Variants in SCRG1 observed in about 807,000 individuals in gnomAD.
The protein encoded by SCRG1 is scrapie-responsive protein 1.
A neutral mutation model predicts 7.7 loss-of-function variants in SCRG1; 3 were observed. The ratio of observed to expected loss-of-function variants is 0.39; its 90% CI spans 0.18 to 1.01. The LOEUF is 1.01. Among genes scored for constraint, SCRG1 ranks in the 50% least tolerant of loss-of-function variants. The pLI is 0.36. For missense variants in SCRG1, 110 were observed against 117.2 expected (o/e 0.94, Z 0.28); for synonymous variants, 46 against 41.2 (o/e 1.12, Z -0.44).
At chr4:173,504,318 C>T in the SCRG1 span, among the ~76,000 whole-genome samples, 24 of 152,292 alleles carry the variant, frequency 1.6e-4, no homozygotes, top group East Asian at 1.2e-3. The surrounding 1 kb of genome is among the most constrained non-coding windows in gnomAD (Gnocchi z 4.7). Flanking sequence ...CGTGCTCCTC[C>T]GGTAGCCGTA....
the SCRG1 span, among the ~76,000 whole-genome samples, chr4:173,459,148 G>T: frequency 6.6e-6 from 1 of 152,178 alleles, no homozygotes; most frequent in Non-Finnish European, 1.5e-5. Context: ...GGGAGATATA[G>T]ACTCCAATAC....
At chr4:173,472,197 A>G in the SCRG1 span, among the ~76,000 whole-genome samples, 3 of 152,232 alleles carry the variant, frequency 2.0e-5, no homozygotes, top group Non-Finnish European at 4.4e-5. Context: ...AAATATGGCC[A>G]TGGAGTAAAC....
the SCRG1 span, among the ~76,000 whole-genome samples, chr4:173,460,580 C>T: frequency 2.0e-5 from 3 of 152,156 alleles, no homozygotes; most frequent in African/African-American, 2.4e-5. Context: ...AAGGGAACCC[C>T]GTGCCCTGAA....
At chr4:173,461,923 G>C in the SCRG1 span, among the ~76,000 whole-genome samples, 6 of 151,946 alleles carry the variant, frequency 3.9e-5, no homozygotes, top group Non-Finnish European at 8.8e-5. Context: ...AATGCAATTG[G>C]CATACCGAGG....
At chr4:173,392,145 G>A (rs1739467474) in intron 1 of SCRG1, among the ~76,000 whole-genome samples, 1 of 152,056 alleles carries the variant, frequency 6.6e-6, no homozygotes, top group Admixed American at 6.6e-5. Context: ...AAGTACCTGG[G>A]TCCCATCCTG....
chr4:173,499,810 G>A, the SCRG1 span, among the ~76,000 whole-genome samples: 35 of 152,282 alleles, frequency 2.3e-4, no homozygotes, highest in Non-Finnish European at 2.4e-4. This position sits in a 1 kb window ranked among gnomAD's most constrained non-coding sequence, Gnocchi z 4.1. Context: ...AAAAAGTGGG[G>A]GGCAGGGATC....
the SCRG1 span, among the ~76,000 whole-genome samples, chr4:173,502,481 T>C: frequency 1.3e-5 from 2 of 152,206 alleles, no homozygotes; most frequent in Admixed American, 6.5e-5. The surrounding 1 kb of genome is among the most constrained non-coding windows in gnomAD (Gnocchi z 4.6). Flanking sequence ...ATAAAGTTCA[T>C]GTGACGGAGA....
the SCRG1 span, among the ~76,000 whole-genome samples, chr4:173,457,321 G>A: frequency 6.6e-6 from 1 of 152,206 alleles, no homozygotes; most frequent in Non-Finnish European, 1.5e-5. Flanking sequence ...TGTTCTGTTA[G>A]GGTGTTGCTA....
upstream of SCRG1, among the ~76,000 whole-genome samples, chr4:173,401,232 A>G (rs955262746): frequency 3.3e-5 from 5 of 152,218 alleles, no homozygotes; most frequent in African/African-American, 1.2e-4. Flanking sequence ...TGCGCAATGG[A>G]CTGCACATTT....
the SCRG1 span, among the ~76,000 whole-genome samples, chr4:173,482,869 A>T: frequency 7.0e-6 from 1 of 141,924 alleles, no homozygotes; most frequent in African/African-American, 2.6e-5. Context: ...TATTTCATAT[A>T]TATTTTTTAT....
intron 2 of SCRG1, among the ~76,000 whole-genome samples, chr4:173,390,565 C>A (rs1314263779): frequency 6.6e-6 from 1 of 151,170 alleles, no homozygotes; most frequent in South Asian, 2.1e-4. Context: ...CTCAGCCTCT[C>A]AGGTTCAAGC....
the SCRG1 span, among the ~76,000 whole-genome samples, chr4:173,478,521 C>T: frequency 6.6e-6 from 1 of 152,096 alleles, no homozygotes; most frequent in Non-Finnish European, 1.5e-5. Flanking sequence ...TTCTTATTTT[C>T]CTCGCATTTC....
Position 173,387,135 on chromosome 4 carries a change from G to T in SCRG1, c.*1206C>A, listed in dbSNP as rs1053791303. 45 of 152,074 alleles carry T rather than the reference G, an allele frequency of 3.0e-4. No individual in the cohort carries two copies. The highest frequency in any genetic ancestry group is 1.1e-3 in the African/African-American group (44 of 41,406). 9.4% of individuals were successfully genotyped at this position (152,074 alleles called of 1,614,324 possible). A position where few individuals can be genotyped will look rare whatever the true frequency, so the allele number is the denominator to read the frequency against. On this transcript the variant is annotated 3_prime_UTR_variant, in exon 3 of 3. Transcript: ENST00000296506. Reference sequence around the variant, plus strand: ...GTGTGTTTTGTTATTCTTAAAAATGGATACTTTAGGAAATGTATCATGGTT... The same window carrying T: ...GTGTGTTTTGTTATTCTTAAAAATGTATACTTTAGGAAATGTATCATGGTT...
intron 1 of SCRG1, among the ~76,000 whole-genome samples, chr4:173,405,714 T>A (rs887521964): frequency 6.6e-5 from 10 of 152,240 alleles, no homozygotes; most frequent in Admixed American, 1.3e-4. Context: ...TAGGGGCTCC[T>A]TTAGTTGCCT....
the SCRG1 span, among the ~76,000 whole-genome samples, chr4:173,484,449 A>ATATATATATACATATAATATATAT: frequency 0.031 from 380 of 12,098 alleles, 33 homozygotes; most frequent in African/African-American, 0.056. Context: ...ATGATATATA[A>ATATATATATACATATAATATATAT]TATATATTAT....
chr4:173,499,421 A>C, the SCRG1 span, among the ~76,000 whole-genome samples: 1 of 152,234 alleles, frequency 6.6e-6, no homozygotes, highest in South Asian at 2.1e-4. The surrounding 1 kb of genome is among the most constrained non-coding windows in gnomAD (Gnocchi z 4.1). Context: ...TTTAGATAAC[A>C]GTAGTAGTAA....
At chr4:173,396,841 T>C (rs1739620461) in intron 1 of SCRG1, among the ~76,000 whole-genome samples, 1 of 150,846 alleles carries the variant, frequency 6.6e-6, no homozygotes. Context: ...GATCACGAGG[T>C]CAAGAGATTG....
chr4:173,483,276 TAA>T, the SCRG1 span, among the ~76,000 whole-genome samples: 424 of 41,542 alleles, frequency 0.01, 1 homozygote, highest in East Asian at 0.017. Flanking sequence ...ATATGATATA[TAA>T]TATATGATAT....
upstream of SCRG1, among the ~76,000 whole-genome samples, chr4:173,406,644 C>T (rs536590107): frequency 6.6e-6 from 1 of 152,276 alleles, no homozygotes; most frequent in African/African-American, 2.4e-5. Context: ...CTCCCTCCTA[C>T]CCTGAACTCC....
Sources: allele counts gnomAD v4.1 joint callset (sites outside exome capture counted in the v4.1 genomes callset), GRCh38; gene constraint gnomAD v4.1.1; non-coding constraint Gnocchi (gnomAD v3.1); transcripts MANE v1.5; gene names NCBI Gene and HGNC (gene_info 2026-07-23, HGNC 2026-07-21).